The following CMTM1 variants were observed in gnomAD, a reference collection of about 807,000 sequenced individuals.
The protein encoded by CMTM1 is CKLF like MARVEL transmembrane domain containing 1, also known as CKLF-like MARVEL transmembrane domain-containing protein 1.
In CMTM1, 16 loss-of-function variants were observed where a neutral mutation model predicts 17.8. The observed-to-expected ratio is 0.90, with a 90% CI of 0.61 to 1.37. The LOEUF (loss-of-function observed/expected upper bound fraction) is 1.37. CMTM1 is among the 40% of genes most tolerant of loss of function. CMTM1 has a pLI of 0.00. For missense variants in CMTM1, 354 were observed against 375.6 expected (o/e 0.94, Z 0.47); for synonymous variants, 169 against 154.6 (o/e 1.09, Z -0.69).
intron 1 of CMTM1, among the ~76,000 whole-genome samples, chr16:66,567,667 C>A (rs2012783851): frequency 1.3e-5 from 2 of 152,020 alleles, no homozygotes; most frequent in Non-Finnish European, 2.9e-5. Context: ...TCAGTCAATA[C>A]AAGAGCTGTC....
chr16:66,569,273 A>G (rs1723618133), intron 1 of CMTM1, among the ~76,000 whole-genome samples: 1 of 152,256 alleles, frequency 6.6e-6, no homozygotes, highest in African/African-American at 2.4e-5. Flanking sequence ...AGAAATCCCA[A>G]CTAAAATGCC....
chr16:66,578,248 G>A (rs1451617803), intron 3 of CMTM1, among the ~76,000 whole-genome samples: 1 of 152,104 alleles, frequency 6.6e-6, no homozygotes, highest in Admixed American at 6.5e-5. Flanking sequence ...ACCACGCACT[G>A]GTCTTCCTGC....
At chr16:66,575,974 T>C (rs8054708) in intron 2 of CMTM1, among the ~76,000 whole-genome samples, 14,951 of 152,260 alleles carry the variant, frequency 0.098, 1,320 homozygotes, top group African/African-American at 0.22. Flanking sequence ...TGACACACTG[T>C]GTACTCGTTC....
intron 2 of CMTM1, among the ~76,000 whole-genome samples, chr16:66,573,976 C>T (rs1435087441): frequency 2.0e-5 from 3 of 151,546 alleles, no homozygotes; most frequent in Non-Finnish European, 4.4e-5. Flanking sequence ...CATGAGCCAC[C>T]GTGCCTGGCC....
intron 1 of CMTM1, among the ~76,000 whole-genome samples, chr16:66,568,825 G>T (rs1597153683): frequency 6.6e-6 from 1 of 151,476 alleles, no homozygotes; most frequent in Non-Finnish European, 1.5e-5. Context: ...AGCAGAGGTT[G>T]CAGTGAGCTG....
At chr16:66,567,517 T>C (rs1001785545) in intron 1 of CMTM1, 9 of 165,496 alleles carry the variant, frequency 5.4e-5, no homozygotes, top group South Asian at 4.2e-4. Flanking sequence ...TAGTATTCCA[T>C]GGTGTATATG....
Position 66,566,827 on chromosome 16 carries a change from TAAATG to T in CMTM1, c.316_320del (p.Asn106AspfsTer54), listed in dbSNP as rs1195879750. 1.4e-5 allele frequency: 22 copies of T among 1,613,880 alleles called. No homozygotes were observed. Among genetic ancestry groups the T allele is most frequent in the African/African-American group, 4.0e-5 (3 of 74,866 alleles). Reference sequence around the variant, plus strand: ...TCTGCACACACTGAATCCAAACTCTTAAATGAGATGGCGATCAAAGAGCGCGTGGA... The same window carrying T: ...TCTGCACACACTGAATCCAAACTCTTAGATGGCGATCAAAGAGCGCGTGGA... On this transcript the variant is annotated frameshift_variant, in exon 1 of 4. Coordinates refer to ENST00000379500, the MANE Select transcript of CMTM1 (RefSeq NM_052999.4). LOFTEE classifies it high-confidence loss of function. This position sits in a 1 kb window ranked among gnomAD's most constrained non-coding sequence, Gnocchi z 4.9.
chr16:66,574,038 C>T (rs2013926430), intron 2 of CMTM1, among the ~76,000 whole-genome samples: 1 of 151,570 alleles, frequency 6.6e-6, no homozygotes, highest in South Asian at 2.1e-4. Context: ...ATAATAAGCA[C>T]TCACCATTAA....
intron 2 of CMTM1, chr16:66,575,071 T>C (rs115831146): frequency 2.0e-6 from 2 of 985,474 alleles, no homozygotes; most frequent in African/African-American, 3.5e-5. Flanking sequence ...CCCTGCTACA[T>C]ACCCCTGTTC....
intron 2 of CMTM1, among the ~76,000 whole-genome samples, chr16:66,570,490 T>C (rs898029976): frequency 1.3e-5 from 2 of 152,224 alleles, no homozygotes; most frequent in Non-Finnish European, 2.9e-5. Context: ...GTTGATATGA[T>C]GGCATTGTAG....
chr16:66,577,429 T>C (rs1007043839), intron 3 of CMTM1, among the ~76,000 whole-genome samples: 1 of 152,242 alleles, frequency 6.6e-6, no homozygotes, highest in African/African-American at 2.4e-5. Context: ...AAGAGTCTGC[T>C]AAACCCCTTT....
At position 66,579,082 on chromosome 16, in the gene CMTM1, C is replaced by T; in HGVS notation, c.*81C>T. On this transcript the variant is annotated 3_prime_UTR_variant, in exon 4 of 4. Coordinates refer to ENST00000379500, the MANE Select transcript of CMTM1 (RefSeq NM_052999.4). This position sits in a 1 kb window ranked among gnomAD's most constrained non-coding sequence, Gnocchi z 6.5. ...CCACCCCCGAGCTCGCATGCTGTCA[C>T]CCATTCCAGCCTAAATGTGACCATA... 2 of 1,542,334 alleles carry T rather than the reference C, an allele frequency of 1.3e-6. No individual in the cohort carries two copies. The highest frequency in any genetic ancestry group is 1.7e-6 in the Non-Finnish European group (2 of 1,144,394).
chr16:66,575,573 A>G (rs1171753655), intron 2 of CMTM1, among the ~76,000 whole-genome samples: 1 of 152,160 alleles, frequency 6.6e-6, no homozygotes, highest in Non-Finnish European at 1.5e-5. Flanking sequence ...GGTGTCCCTC[A>G]TGGGAGGCAA....
At chr16:66,569,740 A>G (rs1338610534) in intron 1 of CMTM1, among the ~76,000 whole-genome samples, 196 bp from the exon 2 acceptor site, 1 of 152,194 alleles carries the variant, frequency 6.6e-6, no homozygotes, top group East Asian at 1.9e-4. Context: ...AGAAATTGGT[A>G]TTATTTTATC....
rs1205420579 is a variant in CMTM1, at chr16:66,579,006, A to C, written c.*5A>C. 6.2e-7 allele frequency: 1 copy of C among 1,612,230 alleles called. No individual in the cohort carries two copies. Among genetic ancestry groups the C allele is most frequent in the East Asian group, 2.2e-5 (1 of 44,886 alleles). On this transcript the variant is annotated 3_prime_UTR_variant, in exon 4 of 4. Transcript: ENST00000379500. This position sits in a 1 kb window ranked among gnomAD's most constrained non-coding sequence, Gnocchi z 6.5. ...GCCCCGCAGAGGCCCGCCTGAAGCC[A>C]GCCCGGCGCCCTAGCAGATGCACGT...
intron 2 of CMTM1, among the ~76,000 whole-genome samples, chr16:66,576,170 G>A (rs2014210607): frequency 6.6e-6 from 1 of 152,204 alleles, no homozygotes; most frequent in African/African-American, 2.4e-5. Flanking sequence ...GCCGAGGCGG[G>A]TGGATCACTT....
chr16:66,566,968 CT>C lies in CMTM1; in HGVS notation c.432+24del. On this transcript the variant is annotated intron_variant, in intron 1 of 3. Coordinates refer to ENST00000379500, the MANE Select transcript of CMTM1 (RefSeq NM_052999.4). The surrounding 1 kb of genome is among the most constrained non-coding windows in gnomAD (Gnocchi z 4.9). Reference sequence around the variant, plus strand: ...CTGGTGAGCGGAGAGCTGGTGAGACCTAGCTGGGCGGATGTGGCCGGCAGTG... The same window carrying C: ...CTGGTGAGCGGAGAGCTGGTGAGACCAGCTGGGCGGATGTGGCCGGCAGTG... The C allele has an allele frequency of 6.2e-7, 1 of 1,613,662 alleles. No homozygotes were observed. The highest frequency in any genetic ancestry group is 8.5e-7 in the Non-Finnish European group (1 of 1,179,690).
intron 2 of CMTM1, chr16:66,571,189 A>G (rs555573141): frequency 1.7e-5 from 8 of 457,410 alleles, no homozygotes; most frequent in African/African-American, 8.0e-5. Flanking sequence ...TTAATTGAAC[A>G]TGTGGAAGAC....
chr16:66,571,002 T>G (rs557196207), intron 2 of CMTM1: 13 of 382,886 alleles, frequency 3.4e-5, no homozygotes, highest in South Asian at 2.0e-4. Flanking sequence ...TTAGGCCTCT[T>G]CCACATCCCA....
Sources: gnomAD v4.1 joint callset for allele counts (sites outside exome capture counted in the v4.1 genomes callset) on GRCh38, gnomAD v4.1.1 for gene constraint, Gnocchi (gnomAD v3.1) non-coding constraint, MANE v1.5 for transcripts, NCBI Gene and HGNC (gene_info 2026-07-23, HGNC 2026-07-21) for gene names.